Variants in EPB41L4B observed in about 807,000 individuals in gnomAD.
EPB41L4B encodes erythrocyte membrane protein band 4.1 like 4B.
A neutral mutation model predicts 112.5 loss-of-function variants in EPB41L4B; 30 were observed. The observed-to-expected ratio is 0.27, with a 90% confidence interval of 0.20 to 0.36. The LOEUF (loss-of-function observed/expected upper bound fraction) is 0.36. EPB41L4B is among the 10% of genes least tolerant of loss of function. The probability of loss-of-function intolerance (pLI) is 1.00; values close to 1 mark genes in which losing one functional copy is unlikely to be tolerated. For missense variants in EPB41L4B, 1,024 were observed against 1,133.3 expected, an observed-to-expected ratio of 0.90 and a Z score of 1.38; for synonymous variants, 408 against 439.7, an observed-to-expected ratio of 0.93 and a Z score of 0.90.
At chr9:109,250,842 A>G (rs1798202586) in intron 13 of EPB41L4B, among the ~76,000 whole-genome samples, 1 of 152,230 alleles carries the variant, frequency 6.6e-6, no homozygotes, top group Non-Finnish European at 1.5e-5. Flanking sequence ...ATTTATAAGT[A>G]AAGTTTTATT....
At chr9:109,213,531 A>C (rs1157212016) in intron 17 of EPB41L4B, among the ~76,000 whole-genome samples, 169 bp downstream of exon 17, 1 of 152,234 alleles carries the variant, frequency 6.6e-6, no homozygotes, top group African/African-American at 2.4e-5. Context: ...AAGGAAGGTA[A>C]GTAAATATTT....
chr9:109,218,195 A>G (rs938984681), intron 15 of EPB41L4B, among the ~76,000 whole-genome samples: 6 of 130,168 alleles, frequency 4.6e-5, no homozygotes, highest in African/African-American at 1.8e-4. Context: ...GCACTATCTC[A>G]GCTCACTGCA....
intron 21 of EPB41L4B, 74 bp from the exon 22 acceptor site, chr9:109,192,429 C>T (rs1832491670): frequency 3.5e-6 from 4 of 1,130,972 alleles, no homozygotes; most frequent in Non-Finnish European, 5.1e-6. Flanking sequence ...AAAAGACAGG[C>T]AGAGGTTCCC....
intron 15 of EPB41L4B, among the ~76,000 whole-genome samples, chr9:109,234,100 TA>T (rs11309784): frequency 0.13 from 19,285 of 145,396 alleles, 1,253 homozygotes; most frequent in South Asian, 0.15. Context: ...CAGACTAAGT[TA>T]AAAAAAAAAA....
Position 109,320,440 on chromosome 9 carries a change from G to T in EPB41L4B, c.7C>A (p.Arg3=), listed in dbSNP as rs770072693. 1.9e-4 allele frequency: 190 copies of T among 990,332 alleles called. No individual in the cohort carries two copies. The South Asian group carries it at 7.3e-3, about 38-fold the overall frequency. 61.3% of individuals were successfully genotyped at this position (990,332 alleles called of 1,614,324 possible). A position where few individuals can be genotyped will look rare whatever the true frequency, so the allele number is the denominator to read the frequency against. Residue 3 remains arginine, a synonymous_variant, in exon 1 of 26, where the codon CGG becomes AGG. Transcript: ENST00000374566. ...CGGCCAAAGGTCCGGCGCAGGAACC[G>T]CAGCATCCTGGCTGGGGGCGCCCCC... ML[R]FLRRTFGRRS...
intron 15 of EPB41L4B, among the ~76,000 whole-genome samples, chr9:109,217,491 A>G (rs1833418571): frequency 6.6e-6 from 1 of 152,234 alleles, no homozygotes; most frequent in Admixed American, 6.5e-5. Context: ...CAAGATCATA[A>G]TGCAAACTAG....
intron 15 of EPB41L4B, among the ~76,000 whole-genome samples, chr9:109,227,409 T>C (rs907090121): frequency 6.6e-6 from 1 of 152,218 alleles, no homozygotes; most frequent in Non-Finnish European, 1.5e-5. Flanking sequence ...ATGGATTAAT[T>C]TGAAAGAATA....
chr9:109,211,251 T>A (rs1364646545), intron 17 of EPB41L4B, among the ~76,000 whole-genome samples: 1 of 151,814 alleles, frequency 6.6e-6, no homozygotes, highest in Admixed American at 6.6e-5. Flanking sequence ...AGAAGGGAGA[T>A]CTGTTGCAAG....
chr9:109,254,174 A>G (rs1834897561), intron 11 of EPB41L4B, among the ~76,000 whole-genome samples: 1 of 152,120 alleles, frequency 6.6e-6, no homozygotes, highest in Non-Finnish European at 1.5e-5. Context: ...CTTCCAGAGG[A>G]GCAGAAAGGA....
In EPB41L4B at chr9:109,245,956, G is replaced by A. The variant is rs141371828; in HGVS notation, c.1344+1800C>T. On this transcript the variant is annotated intron_variant, in intron 14 of 25. Coordinates refer to ENST00000374566, the MANE Select transcript of EPB41L4B (RefSeq NM_019114.5). ...AGTGAGAACACACTACAGGCTATGCGGAGAGGGCACAGGCAGTGCTCAGCT... is the reference window on the plus strand; with the variant it reads ...AGTGAGAACACACTACAGGCTATGCAGAGAGGGCACAGGCAGTGCTCAGCT... Among the ~76,000 whole-genome samples, 3 of 152,322 alleles carry A rather than the reference G, an allele frequency of 2.0e-5. No individual in the cohort carries two copies. The East Asian group carries it at 5.8e-4, about 29-fold the overall frequency.
At chr9:109,250,021 G>T (rs1834722212) in intron 13 of EPB41L4B, among the ~76,000 whole-genome samples, 1 of 152,162 alleles carries the variant, frequency 6.6e-6, no homozygotes, top group Non-Finnish European at 1.5e-5. Flanking sequence ...CTACGGGGTG[G>T]GAGGAGTGGC....
At chr9:109,300,706 A>G (rs1836928603) in intron 1 of EPB41L4B, 1 of 152,098 alleles carries the variant, frequency 6.6e-6, no homozygotes, top group African/African-American at 2.4e-5. Context: ...GAATCGCTTG[A>G]ACCCCGGAGA....
At chr9:109,246,244 A>T (rs1470008371) in intron 14 of EPB41L4B, among the ~76,000 whole-genome samples, 2 of 152,004 alleles carry the variant, frequency 1.3e-5, no homozygotes, top group African/African-American at 4.8e-5. Flanking sequence ...TCTATTAAAA[A>T]TGTAAAAATT....
At chr9:109,209,630 G>C (rs983428690) in intron 17 of EPB41L4B, among the ~76,000 whole-genome samples, 42 of 145,144 alleles carry the variant, frequency 2.9e-4, no homozygotes, top group African/African-American at 9.7e-4. Context: ...ATGGGCAACA[G>C]AGCAAAACCC....
intron 15 of EPB41L4B, among the ~76,000 whole-genome samples, chr9:109,224,265 G>A (rs933922469): frequency 1.3e-5 from 2 of 152,072 alleles, no homozygotes; most frequent in Non-Finnish European, 2.9e-5. Context: ...TTATTCATAA[G>A]AGCCAACAGG....
chr9:109,294,067 G>A (rs1221099835), intron 1 of EPB41L4B, among the ~76,000 whole-genome samples: 1 of 152,170 alleles, frequency 6.6e-6, no homozygotes, highest in African/African-American at 2.4e-5. Context: ...AGCACTTTGG[G>A]AGGCTGAGTC....
chr9:109,295,147 C>T (rs1402667014), intron 1 of EPB41L4B, among the ~76,000 whole-genome samples: 2 of 152,170 alleles, frequency 1.3e-5, no homozygotes, highest in Non-Finnish European at 2.9e-5. Context: ...TGTCCCCATG[C>T]CCCAGTGCTT....
At position 109,176,116 on chromosome 9, in the gene EPB41L4B, G is replaced by A. The variant is rs184754481; in HGVS notation, c.2633+435C>T. ...CATTTGTTGTCTATCTCCTCTAACAGCCTACCCTTGTAAACATTTTTTTTT... is the reference window on the plus strand; with the variant it reads ...CATTTGTTGTCTATCTCCTCTAACAACCTACCCTTGTAAACATTTTTTTTT... On this transcript the variant is annotated intron_variant, in intron 25 of 25. Coordinates refer to ENST00000374566, the MANE Select transcript of EPB41L4B (RefSeq NM_019114.5). Among the ~76,000 whole-genome samples the A allele has an allele frequency of 9.4e-5, 14 of 148,286 alleles. No homozygotes were observed. The East Asian group carries it at 2.8e-3, about 29-fold the overall frequency.
intron 1 of EPB41L4B, among the ~76,000 whole-genome samples, chr9:109,316,551 A>G (rs1426478340): frequency 6.6e-6 from 1 of 152,170 alleles, no homozygotes; most frequent in East Asian, 1.9e-4. Context: ...TGACCAGACC[A>G]CACCTGAGGG....
Sources: gnomAD v4.1 joint callset for allele counts (sites outside exome capture counted in the v4.1 genomes callset) on GRCh38, gnomAD v4.1.1 for gene constraint, MANE v1.5 for transcripts, NCBI Gene and HGNC (gene_info 2026-07-23, HGNC 2026-07-21) for gene names.